MCF2L: variants seen among roughly 807,000 people sequenced by gnomAD.
MCF2L encodes the protein MCF.2 cell line derived transforming sequence like.
MCF2L carries 97 observed loss-of-function variants against 153.4 expected under a neutral mutation model. The observed-to-expected ratio is 0.63, with a 90% CI of 0.54 to 0.75. MCF2L has a LOEUF of 0.75. Among genes scored for constraint, MCF2L ranks in the 30% least tolerant of loss-of-function variants. The probability of loss-of-function intolerance (pLI) is 0.00; values close to 1 mark genes in which losing one functional copy is unlikely to be tolerated. For missense variants in MCF2L, 1,347 were observed against 1,495.2 expected, an observed-to-expected ratio of 0.90 and a Z score of 1.64; for synonymous variants, 659 against 632.2, an observed-to-expected ratio of 1.04 and a Z score of -0.64.
chr13:113,072,528 T>C (rs2033024453), intron 9 of MCF2L, among the ~76,000 whole-genome samples: 2 of 152,230 alleles, frequency 1.3e-5, no homozygotes, highest in African/African-American at 2.4e-5. Flanking sequence ...GAGATTTCTT[T>C]GGGAGACTTT....
At chr13:113,066,228 C>G (rs2141845074) in intron 8 of MCF2L, 58 bp downstream of exon 8, 7 of 1,508,516 alleles carry the variant, frequency 4.6e-6, no homozygotes, top group Non-Finnish European at 6.2e-6. Context: ...AGGATCCTCT[C>G]AGGCACACAG....
At chr13:112,913,112 T>C (rs796104374) in intron 2 of MCF2L, among the ~76,000 whole-genome samples, 12 of 151,598 alleles carry the variant, frequency 7.9e-5, no homozygotes, top group African/African-American at 2.9e-4. Flanking sequence ...TGTGTCTGTA[T>C]GTATGGGATG....
chr13:112,935,191 C>T (rs553953363), intron 2 of MCF2L, among the ~76,000 whole-genome samples: 109 of 152,280 alleles, frequency 7.2e-4, no homozygotes, highest in African/African-American at 2.3e-3. Context: ...GAAACCATAC[C>T]TCACATACCC....
chr13:112,934,555 A>ATGCTGC lies in MCF2L; in HGVS notation c.169+32205_169+32210dup, dbSNP rs61222550. ...CCAAGAGTGTGCAGATTTCCAGGGG[A>ATGCTGC]TGCTGCTGCTGCTGCTGCTGCTGCT... On this transcript the variant is annotated intron_variant, in intron 2 of 29. Coordinates refer to the MCF2L transcript ENST00000375608. Among the ~76,000 whole-genome samples the ATGCTGC allele has an allele frequency of 1.1e-3, 164 of 147,466 alleles. 2 individuals carry two copies. Among genetic ancestry groups the ATGCTGC allele is most frequent in the African/African-American group, 1.9e-3 (76 of 39,782 alleles).
In MCF2L at chr13:113,070,031, C is replaced by G. The variant is rs1398775746; in HGVS notation, c.882-28C>G. 6 of 1,560,500 alleles carry G rather than the reference C, an allele frequency of 3.8e-6. No homozygotes were observed. In the African/African-American group the frequency reaches 5.5e-5, roughly 14 times the overall value. ...GTTGCATGGGGCGCCGTGGGCCACACAGACGGTCAACTCCTCCTCTTTCCC... is the reference window on the plus strand; with the variant it reads ...GTTGCATGGGGCGCCGTGGGCCACAGAGACGGTCAACTCCTCCTCTTTCCC... On this transcript the variant is annotated intron_variant, in intron 8 of 29. Transcript: ENST00000535094. This position sits in a 1 kb window ranked among gnomAD's most constrained non-coding sequence, Gnocchi z 5.6.
chr13:113,015,650 G>C (rs937553614), intron 2 of MCF2L, among the ~76,000 whole-genome samples: 4 of 152,212 alleles, frequency 2.6e-5, no homozygotes. Flanking sequence ...CCCAGGCCGG[G>C]CCTTGGGGTC....
intron 4 of MCF2L, among the ~76,000 whole-genome samples, chr13:113,052,926 A>G (rs575495181): frequency 1.3e-5 from 2 of 152,174 alleles, no homozygotes; most frequent in South Asian, 4.2e-4. Flanking sequence ...ACACACACAT[A>G]TCACACAGAC....
chr13:113,024,280 A>G (rs2085087703), intron 2 of MCF2L, among the ~76,000 whole-genome samples: 1 of 152,238 alleles, frequency 6.6e-6, no homozygotes, highest in South Asian at 2.1e-4. Context: ...AAAAGCATGG[A>G]AGCGGTTTGT....
chr13:113,026,954 G>C (rs754038704), intron 3 of MCF2L: 2 of 777,906 alleles, frequency 2.6e-6, no homozygotes, highest in Non-Finnish European at 4.8e-6. Flanking sequence ...TGATGTGCTC[G>C]TCCCAGCCTC....
chr13:112,909,138 C>T, intron 2 of MCF2L: 2 of 749,626 alleles, frequency 2.7e-6, no homozygotes, highest in South Asian at 2.9e-5. Flanking sequence ...CTCCTGCTTG[C>T]CTCATCCGCT....
chr13:113,088,324 C>A lies in MCF2L; in HGVS notation c.2689-3C>A. 2 of 1,613,764 alleles carry A rather than the reference C, an allele frequency of 1.2e-6. No homozygotes were observed. The highest frequency in any genetic ancestry group is 1.7e-6 in the Non-Finnish European group (2 of 1,179,838). Reference sequence around the variant, plus strand: ...CCTCCTGGCGTTTCTTTTGGGGAAACAGGCGCCAACTCCTGAGATTAAAGC... The same window carrying A: ...CCTCCTGGCGTTTCTTTTGGGGAAAAAGGCGCCAACTCCTGAGATTAAAGC... On this transcript the variant is annotated splice_region_variant and splice_polypyrimidine_tract_variant and intron_variant, in intron 23 of 29. Transcript: ENST00000535094.
At chr13:113,059,087 C>T (rs1463365647) in intron 4 of MCF2L, among the ~76,000 whole-genome samples, 1 of 151,694 alleles carries the variant, frequency 6.6e-6, no homozygotes, top group Admixed American at 6.6e-5. Flanking sequence ...GTGGAAAAGG[C>T]ATTGTATAAT....
intron 26 of MCF2L, chr13:113,090,344 T>G (rs2142082785): frequency 1.0e-6 from 1 of 985,462 alleles, no homozygotes; most frequent in African/African-American, 1.7e-5. Flanking sequence ...GAGGTGGCTT[T>G]CCTTCGGGAA....
At position 113,033,468 on chromosome 13, in the gene MCF2L, C is replaced by T. The variant is rs1013938820; in HGVS notation, c.278+8710C>T. Among the ~76,000 whole-genome samples the T allele has an allele frequency of 9.9e-5, 15 of 150,794 alleles. 1 individual carries two copies. The highest frequency in any genetic ancestry group is 2.6e-4 in the Admixed American group (4 of 15,120). Reference sequence around the variant, plus strand: ...CCCGTGATGTGAGTGGCCCCCGTGGCGTGAGTGACCCCGTGTGCTCACTTG... The same window carrying T: ...CCCGTGATGTGAGTGGCCCCCGTGGTGTGAGTGACCCCGTGTGCTCACTTG... On this transcript the variant is annotated intron_variant, in intron 3 of 29. Transcript: ENST00000535094.
At chr13:112,895,232 G>A (rs1028080334) in intron 1 of MCF2L, among the ~76,000 whole-genome samples, 1 of 152,088 alleles carries the variant, frequency 6.6e-6, no homozygotes, top group African/African-American at 2.4e-5. Flanking sequence ...GCCCAGGCAG[G>A]CTCACTCCCT....
At chr13:112,985,413 G>A (rs939316056) in intron 1 of MCF2L, 11 of 470,980 alleles carry the variant, frequency 2.3e-5, no homozygotes, top group Middle Eastern at 3.2e-4. Flanking sequence ...CCGGATTTCC[G>A]TGGCGGAAAT....
chr13:113,032,838 G>C (rs1046689473), intron 3 of MCF2L, among the ~76,000 whole-genome samples: 1 of 152,210 alleles, frequency 6.6e-6, no homozygotes, highest in Admixed American at 6.5e-5. Flanking sequence ...CAAAGTGCTG[G>C]GATTACAGAT....
At chr13:113,047,562 T>G (rs2086893676) in intron 4 of MCF2L, among the ~76,000 whole-genome samples, 1 of 152,264 alleles carries the variant, frequency 6.6e-6, no homozygotes, top group Non-Finnish European at 1.5e-5. Flanking sequence ...CAGCCGCATC[T>G]TTTATGCTTA....
chr13:112,992,967 T>C (rs2082950162), intron 1 of MCF2L, among the ~76,000 whole-genome samples: 1 of 152,208 alleles, frequency 6.6e-6, no homozygotes. Flanking sequence ...CCAAAATACT[T>C]ACAGTGGCAG....
Sources: gnomAD v4.1 joint callset for allele counts (sites outside exome capture counted in the v4.1 genomes callset) on GRCh38, gnomAD v4.1.1 for gene constraint, Gnocchi (gnomAD v3.1) non-coding constraint, MANE v1.5 for transcripts, NCBI Gene and HGNC (gene_info 2026-07-23, HGNC 2026-07-21) for gene names.